Variants in NELL1 observed in about 807,000 individuals in gnomAD.
NELL1 encodes the protein neural EGFL like 1.
A neutral mutation model predicts 107.4 loss-of-function variants in NELL1; 76 were observed. That is an observed-to-expected ratio of 0.71 (90% CI 0.59 to 0.86). NELL1 has a LOEUF of 0.86. Among genes scored for constraint, NELL1 ranks in the 40% least tolerant of loss-of-function variants. The pLI is 0.00. For synonymous variants in NELL1, 353 were observed against 341.2 expected (o/e 1.03, Z -0.38); for missense variants, 1,024 against 1,005.5 (o/e 1.02, Z -0.25).
chr11:20,755,546 T>TTTATTTA (rs1564894982), intron 2 of NELL1, among the ~76,000 whole-genome samples: 2 of 45,532 alleles, frequency 4.4e-5, no homozygotes, highest in East Asian at 2.1e-3. Context: ...TTTTGTTTTT[T>TTTATTTA]TTTGTTTTTG....
intron 12 of NELL1, among the ~76,000 whole-genome samples, chr11:21,043,321 G>A (rs1853281162): frequency 1.3e-5 from 2 of 152,128 alleles, no homozygotes; most frequent in South Asian, 4.1e-4. Flanking sequence ...CTGGGTGGGA[G>A]ATGGATATTA....
intron 15 of NELL1, among the ~76,000 whole-genome samples, chr11:21,494,303 G>A (rs958036164): frequency 2.7e-4 from 41 of 151,716 alleles, no homozygotes; most frequent in Admixed American, 2.4e-3. Context: ...ACACATATTA[G>A]GAGACATAAA....
rs59575923 is a variant in NELL1, at chr11:20,879,750, A to G, written c.507-5694A>G. 8.5e-3 allele frequency among the ~76,000 whole-genome samples: 1,302 copies of G among 152,350 alleles called. 17 individuals are homozygous for G. The highest frequency in any genetic ancestry group is 0.03 in the African/African-American group (1,247 of 41,578). On this transcript the variant is annotated intron_variant, in intron 4 of 19. Coordinates refer to ENST00000357134, the MANE Select transcript of NELL1 (RefSeq NM_006157.5). Reference sequence around the variant, plus strand: ...ATAAAACTTTTATAAATGTCAAAGAATTACATTTTTGGAAGAATGTAAAAG... The same window carrying G: ...ATAAAACTTTTATAAATGTCAAAGAGTTACATTTTTGGAAGAATGTAAAAG...
intron 14 of NELL1, among the ~76,000 whole-genome samples, chr11:21,238,035 C>G (rs1033657643): frequency 2.0e-5 from 3 of 151,966 alleles, no homozygotes; most frequent in Non-Finnish European, 2.9e-5. Context: ...CACTTGGATC[C>G]CTTACAGGTA....
At chr11:20,756,429 C>A (rs1182954331) in intron 2 of NELL1, among the ~76,000 whole-genome samples, 1 of 151,110 alleles carries the variant, frequency 6.6e-6, no homozygotes, top group Non-Finnish European at 1.5e-5. Context: ...AGCTCCGCCT[C>A]CTGGGTTCAC....
chr11:20,967,953 T>C (rs1241407968), intron 12 of NELL1, among the ~76,000 whole-genome samples: 1 of 152,186 alleles, frequency 6.6e-6, no homozygotes, highest in Non-Finnish European at 1.5e-5. Flanking sequence ...ACACTGGAAT[T>C]CTTTGCATCC....
At chr11:20,705,743 A>C (rs1451744358) in intron 2 of NELL1, among the ~76,000 whole-genome samples, 1 of 148,926 alleles carries the variant, frequency 6.7e-6, no homozygotes, top group African/African-American at 2.5e-5. Flanking sequence ...ACAGAATGGG[A>C]GAAAATTTTT....
chr11:20,931,928 A>T (rs1337198499), intron 9 of NELL1, among the ~76,000 whole-genome samples: 2 of 152,172 alleles, frequency 1.3e-5, no homozygotes, highest in East Asian at 3.9e-4. Context: ...ACAAAGGCAA[A>T]ATGAGCCAAT....
At chr11:20,850,299 T>A (rs977586797) in intron 4 of NELL1, among the ~76,000 whole-genome samples, 1 of 152,204 alleles carries the variant, frequency 6.6e-6, no homozygotes, top group Non-Finnish European at 1.5e-5. Context: ...TACTACTTTG[T>A]GATTCTTATT....
chr11:21,446,109 C>T (rs1327020263), intron 15 of NELL1, among the ~76,000 whole-genome samples: 2 of 151,788 alleles, frequency 1.3e-5, no homozygotes, highest in Non-Finnish European at 2.9e-5. Context: ...TTCTGCTTGA[C>T]CAATTCTGCT....
chr11:21,365,090 A>G (rs764151481), intron 14 of NELL1, among the ~76,000 whole-genome samples: 14 of 152,178 alleles, frequency 9.2e-5, no homozygotes, highest in Non-Finnish European at 1.8e-4. Flanking sequence ...TCCACCGGGC[A>G]TAGTTAATCA....
intron 12 of NELL1, among the ~76,000 whole-genome samples, chr11:20,974,537 T>C (rs764093728): frequency 3.9e-5 from 6 of 152,198 alleles, no homozygotes; most frequent in Non-Finnish European, 8.8e-5. Flanking sequence ...TTCTAGACTT[T>C]TGCAGATTTC....
intron 14 of NELL1, among the ~76,000 whole-genome samples, chr11:21,243,723 C>A (rs1039864240): frequency 6.6e-6 from 1 of 152,064 alleles, no homozygotes; most frequent in Non-Finnish European, 1.5e-5. Context: ...AAGAAAGATA[C>A]TAGACACAGG....
chr11:21,400,318 C>A (rs1852070396), intron 15 of NELL1, among the ~76,000 whole-genome samples: 1 of 151,824 alleles, frequency 6.6e-6, no homozygotes, highest in Non-Finnish European at 1.5e-5. Context: ...ACAGAAGCAT[C>A]CAATTTTATT....
At chr11:21,256,146 G>A (rs1378482145) in intron 14 of NELL1, among the ~76,000 whole-genome samples, 2 of 151,950 alleles carry the variant, frequency 1.3e-5, no homozygotes, top group Non-Finnish European at 2.9e-5. Context: ...GTGAATGGAT[G>A]TCCAACACGA....
intron 15 of NELL1, among the ~76,000 whole-genome samples, chr11:21,393,944 T>C (rs1851931000): frequency 6.6e-6 from 1 of 151,618 alleles, no homozygotes; most frequent in Non-Finnish European, 1.5e-5. Flanking sequence ...TTCTTTAATT[T>C]TGAAAATGTG....
intron 14 of NELL1, among the ~76,000 whole-genome samples, chr11:21,253,661 G>A (rs543587612): frequency 2.0e-5 from 3 of 152,136 alleles, no homozygotes; most frequent in African/African-American, 7.2e-5. Flanking sequence ...GGTTTCATTG[G>A]CAAAACAGCC....
chr11:21,264,926 A>C (rs548442282), intron 14 of NELL1, among the ~76,000 whole-genome samples: 11 of 152,134 alleles, frequency 7.2e-5, no homozygotes, highest in African/African-American at 2.4e-4. Flanking sequence ...AATAAAACAT[A>C]TGAATAGTTC....
At chr11:21,273,244 T>A (rs935233436) in intron 14 of NELL1, among the ~76,000 whole-genome samples, 1 of 152,164 alleles carries the variant, frequency 6.6e-6, no homozygotes, top group African/African-American at 2.4e-5. Flanking sequence ...GCATGCGAAC[T>A]ACGTGATGAA....
Sources: allele counts gnomAD v4.1 joint callset (sites outside exome capture counted in the v4.1 genomes callset), GRCh38; gene constraint gnomAD v4.1.1; transcripts MANE v1.5; gene names NCBI Gene and HGNC (gene_info 2026-07-23, HGNC 2026-07-21).